PTPN1: variants seen among roughly 807,000 people sequenced by gnomAD.
The protein encoded by PTPN1 is protein tyrosine phosphatase non-receptor type 1.
PTPN1 carries 12 observed loss-of-function variants against 59.9 expected under a neutral mutation model. That is an observed-to-expected ratio of 0.20 (90% confidence interval 0.13 to 0.32). The LOEUF (loss-of-function observed/expected upper bound fraction) is 0.32, where lower values mean the gene tolerates loss of function less well. PTPN1 is among the 10% of genes least tolerant of loss of function. The probability of loss-of-function intolerance (pLI) is 1.00; values close to 1 mark genes in which losing one functional copy is unlikely to be tolerated. For missense variants in PTPN1, 356 were observed against 549.2 expected (o/e 0.65, Z 3.52); for synonymous variants, 178 against 203.6 (o/e 0.87, Z 1.07).
chr20:50,582,260 A>G lies in PTPN1; in HGVS notation c.1285-432A>G, dbSNP rs562775192. On this transcript the variant is annotated intron_variant, in intron 9 of 9. Transcript: ENST00000371621. This position sits in a 1 kb window ranked among gnomAD's most constrained non-coding sequence, Gnocchi z 4.2. ...GGCCTCTGCCTGGGGGTCAGAGGTC[A>G]CCACAGGGTGGCCATTGGCATGTCA... is the stretch of plus-strand genomic sequence containing the variant. Among the ~76,000 whole-genome samples the G allele has an allele frequency of 1.8e-3, 272 of 152,330 alleles. 1 individual carries two copies. Among genetic ancestry groups the G allele is most frequent in the South Asian group, 0.017 (81 of 4,824 alleles).
intron 5 of PTPN1, chr20:50,574,980 A>G (rs559346001): frequency 1.5e-4 from 40 of 274,080 alleles, no homozygotes; most frequent in Admixed American, 5.2e-4. Flanking sequence ...CCAGTGAAGC[A>G]TGCTGCCTTC....
intron 1 of PTPN1, among the ~76,000 whole-genome samples, chr20:50,554,919 C>G (rs1229818587): frequency 2.6e-5 from 4 of 152,064 alleles, no homozygotes; most frequent in Non-Finnish European, 4.4e-5. Flanking sequence ...AAATAGAAAG[C>G]AGCTAAACTA....
chr20:50,510,680 C>T, intron 1 of PTPN1, 90 bp downstream of exon 1: 1 of 1,348,982 alleles, frequency 7.4e-7, no homozygotes, highest in South Asian at 1.3e-5. Flanking sequence ...CCCTCTGGGT[C>T]TTGCCCTCTG....
chr20:50,517,503 T>G (rs919457683), intron 1 of PTPN1, among the ~76,000 whole-genome samples: 12 of 152,290 alleles, frequency 7.9e-5, no homozygotes, highest in Non-Finnish European at 1.6e-4. Context: ...AAGCCATCTG[T>G]CTGCCTCAGG....
chr20:50,585,086 C>T lies in PTPN1; in HGVS notation c.*2371C>T, dbSNP rs1301498816. 6.6e-6 allele frequency: 1 copy of T among 152,186 alleles called. No individual in the cohort carries two copies. The highest frequency in any genetic ancestry group is 1.9e-4 in the East Asian group (1 of 5,192). 9.4% of individuals were successfully genotyped at this position (152,186 alleles called of 1,614,324 possible). A position where few individuals can be genotyped will look rare whatever the true frequency, so the allele number is the denominator to read the frequency against. On this transcript the variant is annotated 3_prime_UTR_variant, in exon 10 of 10. Transcript: ENST00000371621. Reference sequence around the variant, plus strand: ...AGAACAGTGTTTTGAGTTGTAATCTCAAAACCATATCCCTTACCCAATTAC... The same window carrying T: ...AGAACAGTGTTTTGAGTTGTAATCTTAAAACCATATCCCTTACCCAATTAC...
At chr20:50,551,958 G>T (rs2082703699) in intron 1 of PTPN1, among the ~76,000 whole-genome samples, 1 of 152,152 alleles carries the variant, frequency 6.6e-6, no homozygotes, top group Non-Finnish European at 1.5e-5. Flanking sequence ...ACATTCAGTA[G>T]ATTAGAAGTA....
In PTPN1 at chr20:50,579,942, C is replaced by T. The variant is rs2082857604; in HGVS notation, c.1088+16C>T. ...GCATCGAAAGGTAATATGATTGGGT[C>T]CCAGCTTGTTGGGGTGAGGGGAAAT... On this transcript the variant is annotated intron_variant, in intron 8 of 9. Coordinates refer to ENST00000371621, the MANE Select transcript of PTPN1 (RefSeq NM_002827.4). The T allele has an allele frequency of 6.2e-7, 1 of 1,606,398 alleles. No individual in the cohort carries two copies.
At chr20:50,519,711 G>A (rs1003152646) in intron 1 of PTPN1, among the ~76,000 whole-genome samples, 21 of 152,108 alleles carry the variant, frequency 1.4e-4, no homozygotes, top group African/African-American at 5.1e-4. Context: ...TTGCCTTCAC[G>A]TTAACACAGT....
At chr20:50,534,712 T>TC (rs1233399371) in intron 1 of PTPN1, among the ~76,000 whole-genome samples, 4 of 152,010 alleles carry the variant, frequency 2.6e-5, no homozygotes, top group African/African-American at 9.7e-5. Context: ...TGCCAAGTCC[T>TC]CCAACTTAAT....
chr20:50,569,688 G>A (rs1329172767), intron 4 of PTPN1, among the ~76,000 whole-genome samples: 1 of 149,648 alleles, frequency 6.7e-6, no homozygotes, highest in African/African-American at 2.5e-5. Context: ...GTAGACCGTC[G>A]TGTATAGACT....
At chr20:50,534,368 T>C (rs781141021) in intron 1 of PTPN1, among the ~76,000 whole-genome samples, 20 of 152,062 alleles carry the variant, frequency 1.3e-4, no homozygotes, top group Non-Finnish European at 2.8e-4. Flanking sequence ...ACTTACGCCA[T>C]TTTTTTACCG....
chr20:50,527,073 C>T (rs2082579510), intron 1 of PTPN1, among the ~76,000 whole-genome samples: 2 of 152,194 alleles, frequency 1.3e-5, no homozygotes, highest in African/African-American at 2.4e-5. Flanking sequence ...TGACCCCTTC[C>T]CATCTCACCT....
chr20:50,535,491 AAT>A (rs2122742036), intron 1 of PTPN1, among the ~76,000 whole-genome samples: 1 of 152,178 alleles, frequency 6.6e-6, no homozygotes, highest in Admixed American at 6.5e-5. Flanking sequence ...TTTTATTATG[AAT>A]ACTCTTTTCT....
chr20:50,549,678 T>C (rs1311286854), intron 1 of PTPN1, among the ~76,000 whole-genome samples: 2 of 152,204 alleles, frequency 1.3e-5, no homozygotes, highest in East Asian at 3.8e-4. Flanking sequence ...ATTCAGTACA[T>C]AGTCATTTTA....
intron 1 of PTPN1, among the ~76,000 whole-genome samples, chr20:50,525,747 T>C (rs1309978074): frequency 1.3e-5 from 2 of 152,150 alleles, no homozygotes; most frequent in African/African-American, 2.4e-5. Flanking sequence ...TTTTTTTGAA[T>C]GATGAGTTTT....
rs1021087270 is a variant in PTPN1, at chr20:50,510,407, C to T, written c.-121C>T. The T allele has an allele frequency of 3.8e-6, 4 of 1,055,870 alleles. No homozygotes were observed. Among genetic ancestry groups the T allele is most frequent in the East Asian group, 3.0e-5 (1 of 33,518 alleles). 65.4% of individuals were successfully genotyped at this position (1,055,870 alleles called of 1,614,324 possible). A position where few individuals can be genotyped will look rare whatever the true frequency, so the allele number is the denominator to read the frequency against. On this transcript the variant is annotated 5_prime_UTR_variant, in exon 1 of 10. Transcript: ENST00000371621. ...CATGAAGAAGCAGCAGCGGCTAGGG[C>T]GGCGGTAGCTGCAGGGGTCGGGGAT...
At chr20:50,535,123 G>A (rs777328827) in intron 1 of PTPN1, among the ~76,000 whole-genome samples, 5 of 152,136 alleles carry the variant, frequency 3.3e-5, no homozygotes, top group South Asian at 2.1e-4. Context: ...CTTCAAAGTC[G>A]CCTTCAGCTG....
At chr20:50,555,568 A>G (rs2082722569) in intron 1 of PTPN1, among the ~76,000 whole-genome samples, 1 of 152,246 alleles carries the variant, frequency 6.6e-6, no homozygotes, top group African/African-American at 2.4e-5. Context: ...AAGCAGTTTT[A>G]AAAATGTATT....
intron 1 of PTPN1, among the ~76,000 whole-genome samples, chr20:50,543,973 G>A (rs1456902652): frequency 6.6e-6 from 1 of 152,032 alleles, no homozygotes; most frequent in African/African-American, 2.4e-5. Context: ...AGCCTCCCGA[G>A]TAGCTGGGAT....
Sources: allele counts gnomAD v4.1 joint callset (sites outside exome capture counted in the v4.1 genomes callset), GRCh38; gene constraint gnomAD v4.1.1; non-coding constraint Gnocchi (gnomAD v3.1); transcripts MANE v1.5; gene names NCBI Gene and HGNC (gene_info 2026-07-23, HGNC 2026-07-21).